The following HMCN1 variants were observed in gnomAD, a reference collection of about 807,000 sequenced individuals.
The protein encoded by HMCN1 is hemicentin-1.
HMCN1 carries 321 observed loss-of-function variants against 625.9 expected under a neutral mutation model. That is an observed-to-expected ratio of 0.51 (90% CI 0.47 to 0.56). HMCN1 has a LOEUF of 0.56. Ranked by LOEUF, HMCN1 falls within the 20% of genes least tolerant of loss-of-function variation. The pLI is 0.00. For synonymous variants in HMCN1, 2,425 were observed against 2,417.6 expected (o/e 1.00, Z -0.09); for missense variants, 6,588 against 6,887.3 (o/e 0.96, Z 1.54).
chr1:186,054,079 C>T, intron 44 of HMCN1, 93 bp downstream of exon 44: 1 of 1,239,144 alleles, frequency 8.1e-7, no homozygotes, highest in Non-Finnish European at 1.2e-6. Flanking sequence ...AATGTTCATT[C>T]AAAATGGTAT....
At chr1:186,096,076 T>C (rs1452658571) in intron 68 of HMCN1, among the ~76,000 whole-genome samples, 1 of 152,176 alleles carries the variant, frequency 6.6e-6, no homozygotes, top group Non-Finnish European at 1.5e-5. Context: ...GAAAGTAAGA[T>C]AATGAAACGA....
intron 68 of HMCN1, among the ~76,000 whole-genome samples, chr1:186,097,419 C>A (rs1398381072): frequency 6.6e-6 from 1 of 151,924 alleles, no homozygotes; most frequent in Non-Finnish European, 1.5e-5. Flanking sequence ...AGGCCTACTG[C>A]CGGGCTTGAG....
intron 4 of HMCN1, among the ~76,000 whole-genome samples, chr1:185,881,556 G>T (rs191632942): frequency 1.3e-5 from 2 of 152,316 alleles, no homozygotes; most frequent in Admixed American, 1.3e-4. Context: ...CAACATTCCA[G>T]TGGGAAAACA....
At chr1:186,094,086 C>T (rs1457643290) in intron 66 of HMCN1, among the ~76,000 whole-genome samples, 190 bp from the exon 67 acceptor site, 1 of 152,082 alleles carries the variant, frequency 6.6e-6, no homozygotes, top group Non-Finnish European at 1.5e-5. Context: ...TTTATTGTCA[C>T]TGCCTAATCA....
intron 52 of HMCN1, among the ~76,000 whole-genome samples, chr1:186,074,452 A>C (rs1456875604): frequency 6.6e-6 from 1 of 152,048 alleles, no homozygotes; most frequent in African/African-American, 2.4e-5. Flanking sequence ...TTAATATGAT[A>C]ACTAAGAACA....
At chr1:186,088,367 A>G in intron 62 of HMCN1, 91 bp downstream of exon 62, 3 of 1,586,384 alleles carry the variant, frequency 1.9e-6, no homozygotes, top group Non-Finnish European at 1.7e-6. Context: ...TTTAAGTACC[A>G]TGCTCATAGG....
chr1:186,060,630 C>T (rs1340486338), intron 46 of HMCN1, among the ~76,000 whole-genome samples: 1 of 152,056 alleles, frequency 6.6e-6, no homozygotes, highest in Non-Finnish European at 1.5e-5. Context: ...GAAGCAAAAG[C>T]AGTGTATCAC....
chr1:185,881,112 C>G (rs1463438851), intron 4 of HMCN1, among the ~76,000 whole-genome samples: 2 of 152,192 alleles, frequency 1.3e-5, no homozygotes, highest in African/African-American at 4.8e-5. Context: ...GCTCAGTGGG[C>G]CCTATGCCAT....
At chr1:185,892,105 G>A (rs1157833978) in intron 4 of HMCN1, among the ~76,000 whole-genome samples, 1 of 149,268 alleles carries the variant, frequency 6.7e-6, no homozygotes, top group African/African-American at 2.6e-5. Context: ...GATTGCATCG[G>A]GTCCTGAGGC....
chr1:186,144,191 C>G lies in HMCN1; in HGVS notation c.13943C>G (p.Ala4648Gly). Residue 4648 changes from alanine (A) to glycine (G), a missense_variant, in exon 90 of 107, where the codon GCT (alanine) becomes GGT (glycine). This residue lies in a region of HMCN1 where 1,954 missense variants were observed against 2,013.1 expected (regional missense o/e 0.97). Coordinates refer to ENST00000271588, the MANE Select transcript of HMCN1 (RefSeq NM_031935.3). ...RPCPVHGAWS[A>G]WQPWGTCSES... Reference sequence around the variant, plus strand: ...TTTGCAGTTCATGGAGCATGGAGCGCTTGGCAGCCTTGGGGAACATGCAGC... The same window carrying G: ...TTTGCAGTTCATGGAGCATGGAGCGGTTGGCAGCCTTGGGGAACATGCAGC... 1 of 1,607,686 alleles carries G rather than the reference C, an allele frequency of 6.2e-7. No individual in the cohort carries two copies. Among genetic ancestry groups the G allele is most frequent in the Non-Finnish European group, 8.5e-7 (1 of 1,176,632 alleles).
At position 186,120,036 on chromosome 1, in the gene HMCN1, T is replaced by C. The variant is rs894169400; in HGVS notation, c.12120T>C (p.Ser4040=). The stretch of plus-strand genomic sequence containing the variant: ...GCAGAAACCATGCAGTTCTTCCTAG[T>C]GGCGGCTTACAGATCTCCAGAGCTG... ...TSGRNHAVLP[S]GGLQISRAVR... Residue 4040 remains serine (S), a synonymous_variant, in exon 80 of 107, where the codon AGT becomes AGC. Transcript: ENST00000271588. 3.1e-6 allele frequency: 5 copies of C among 1,613,962 alleles called. No individual in the cohort carries two copies. Among genetic ancestry groups the C allele is most frequent in the Non-Finnish European group, 4.2e-6 (5 of 1,179,980 alleles).
intron 11 of HMCN1, among the ~76,000 whole-genome samples, chr1:185,958,092 CT>C (rs964947349): frequency 4.0e-5 from 6 of 151,628 alleles, no homozygotes; most frequent in Non-Finnish European, 7.4e-5. Flanking sequence ...GGTATATAAT[CT>C]TTTTTTTGAG....
chr1:186,080,272 A>G (rs1659084979), intron 55 of HMCN1, among the ~76,000 whole-genome samples: 1 of 152,202 alleles, frequency 6.6e-6, no homozygotes, highest in African/African-American at 2.4e-5. Flanking sequence ...GGAAACCCAG[A>G]TACCACAAGA....
At chr1:185,804,488 A>G (rs1331715584) in intron 1 of HMCN1, among the ~76,000 whole-genome samples, 1 of 152,076 alleles carries the variant, frequency 6.6e-6, no homozygotes, top group African/African-American at 2.4e-5. Flanking sequence ...TTAATACTAC[A>G]GCTTCATTTC....
Position 186,178,553 on chromosome 1 carries a change from C to A in HMCN1, c.16081C>A (p.Pro5361Thr), listed in dbSNP as rs1055807382. 3.7e-6 allele frequency: 6 copies of A among 1,614,050 alleles called. No individual in the cohort carries two copies. Among genetic ancestry groups the A allele is most frequent in the South Asian group, 1.1e-5 (1 of 91,070 alleles). ...GKSCAGLERL[P>T]NYGTQYSSYN... ...ATCTTGCGCTGGATTGGAGAGGCTG[C>A]CAAATTATGGCACTCAATACAGTAG... Residue 5361 changes from proline to threonine, a missense_variant, in exon 104 of 107, where the codon CCA (proline) becomes ACA (threonine). Coordinates refer to ENST00000271588, the MANE Select transcript of HMCN1 (RefSeq NM_031935.3).
chr1:186,166,129 C>T (rs1651862238), intron 98 of HMCN1, 55 bp from the exon 99 acceptor site: 1 of 1,604,764 alleles, frequency 6.2e-7, no homozygotes, highest in African/African-American at 1.3e-5. Context: ...TTTAATAACT[C>T]CCAGAAAGTA....
chr1:186,141,436 G>A (rs1393219306), intron 89 of HMCN1, among the ~76,000 whole-genome samples: 1 of 152,160 alleles, frequency 6.6e-6, no homozygotes, highest in Non-Finnish European at 1.5e-5. Flanking sequence ...GGTGCAAATA[G>A]TTACTTCAAA....
chr1:185,861,553 A>G (rs964132094), intron 2 of HMCN1, among the ~76,000 whole-genome samples: 2 of 152,204 alleles, frequency 1.3e-5, no homozygotes, highest in Non-Finnish European at 2.9e-5. Flanking sequence ...GCATCCCAGA[A>G]TATCCATTAC....
In HMCN1 at chr1:186,057,374, C is replaced by T. The variant is rs1305681616; in HGVS notation, c.7285C>T (p.Leu2429Phe). The part of the protein sequence containing the change: ...TWFKDGWPVS[L>F]SNSVRILSGG... ...GTTCAAAGATGGGTGGCCTGTCAGC[C>T]TTAGCAATTCTGTGAGGATTCTTTC... is the stretch of plus-strand genomic sequence containing the variant. The change falls in exon 46 of 107, where the codon CTT becomes TTT. Residue 2429 changes from leucine (L) to phenylalanine (F), a missense_variant. Coordinates refer to ENST00000271588, the MANE Select transcript of HMCN1 (RefSeq NM_031935.3). The T allele has an allele frequency of 1.2e-6, 2 of 1,610,194 alleles. No individual in the cohort carries two copies. Among genetic ancestry groups the T allele is most frequent in the Non-Finnish European group, 1.7e-6 (2 of 1,176,986 alleles).
Sources: gnomAD v4.1 joint callset for allele counts (sites outside exome capture counted in the v4.1 genomes callset) on GRCh38, gnomAD v4.1.1 for gene constraint, gnomAD v4.1.1 regional missense constraint, MANE v1.5 for transcripts, NCBI Gene and HGNC (gene_info 2026-07-23, HGNC 2026-07-21) for gene names.